The following PIGG variants were observed in gnomAD, a reference collection of about 807,000 sequenced individuals.
PIGG encodes GPI ethanolamine phosphate transferase 2, catalytic subunit.
A neutral mutation model predicts 83.2 loss-of-function variants in PIGG; 70 were observed. The ratio of observed to expected loss-of-function variants is 0.84; its 90% CI spans 0.69 to 1.03. The LOEUF is 1.03. Among genes scored for constraint, PIGG ranks in the 50% least tolerant of loss-of-function variants. The pLI, the probability that PIGG is intolerant of heterozygous loss-of-function variation, is 0.00. For synonymous variants in PIGG, 532 were observed against 519.5 expected, an observed-to-expected ratio of 1.02 and a Z score of -0.33; for missense variants, 1,257 against 1,233.6, an observed-to-expected ratio of 1.02 and a Z score of -0.28.
At chr4:507,886 T>C (rs1213821456) in intron 4 of PIGG, among the ~76,000 whole-genome samples, 4 of 152,220 alleles carry the variant, frequency 2.6e-5, no homozygotes, top group Middle Eastern at 3.2e-3. Context: ...TCACTCTCTC[T>C]GTTCTGTGCC....
intron 6 of PIGG, among the ~76,000 whole-genome samples, chr4:518,995 G>C (rs901786781): frequency 1.3e-5 from 2 of 152,102 alleles, no homozygotes; most frequent in African/African-American, 4.8e-5. Context: ...GTTCCCATCA[G>C]CTTGATGCTC....
chr4:507,564 A>G lies in PIGG; in HGVS notation c.730A>G (p.Met244Val). 1 of 1,613,894 alleles carries G rather than the reference A, an allele frequency of 6.2e-7. No individual in the cohort carries two copies. The highest frequency in any genetic ancestry group is 1.7e-4 in the Middle Eastern group (1 of 5,894). Residue 244 changes from methionine to valine, a missense_variant, in exon 4 of 13, where the codon ATG becomes GTG. Physicochemically the swap from Met to Val is conservative, Grantham distance 21 (BLOSUM62 1). Transcript: ENST00000453061. ...GCTGAGCGAGATGGACAGCGTGCTG[A>G]TGAAGATCCACACCTCACTGCAGTC... ...QKLSEMDSVL[M>V]KIHTSLQSKE...
chr4:523,770 C>T lies in PIGG; in HGVS notation c.1926C>T (p.Thr642=). The change falls in exon 9 of 13, where the codon ACC becomes ACT. Residue 642 remains threonine, a synonymous_variant. Coordinates refer to ENST00000453061, the MANE Select transcript of PIGG (RefSeq NM_001127178.3). ...ACAAAGGCCACGGAAGCCCCTCTAC[C>T]TCCGAAGTGCTCAGAGGCCGCGAGA... ...ERDKGHGSPS[T]SEVLRGREKW... The T allele has an allele frequency of 1.2e-6, 2 of 1,613,992 alleles. No individual in the cohort carries two copies. Among genetic ancestry groups the T allele is most frequent in the East Asian group, 2.2e-5 (1 of 44,882 alleles).
chr4:507,443 A>G lies in PIGG; in HGVS notation c.609A>G (p.Leu203=). The G allele has an allele frequency of 6.2e-7, 1 of 1,613,946 alleles. No individual in the cohort carries two copies. Among genetic ancestry groups the G allele is most frequent in the Non-Finnish European group, 8.5e-7 (1 of 1,179,824 alleles). The change falls in exon 4 of 13, where the codon TTA becomes TTG. Residue 203 remains leucine, a synonymous_variant. Transcript: ENST00000453061. ...NNVTRHLDKV[L]KRGDWDILIL... ...TCACGAGGCATTTGGATAAAGTATTAAAAAGAGGAGATTGGGACATATTAA... is the reference window on the plus strand; with the variant it reads ...TCACGAGGCATTTGGATAAAGTATTGAAAAGAGGAGATTGGGACATATTAA...
At chr4:533,286 C>G (rs757092936) in intron 11 of PIGG, 1 of 157,258 alleles carries the variant, frequency 6.4e-6, no homozygotes, top group African/African-American at 2.4e-5. Flanking sequence ...GCTGTGCTCC[C>G]CCAGTGGCTG....
At chr4:507,920 T>C (rs1720380669) in intron 4 of PIGG, among the ~76,000 whole-genome samples, 1 of 152,110 alleles carries the variant, frequency 6.6e-6, no homozygotes, top group African/African-American at 2.4e-5. Flanking sequence ...TCACTTTCTG[T>C]TCTGTGTCAC....
chr4:522,036 G>A, intron 8 of PIGG, 95 bp downstream of exon 8: 2 of 1,353,484 alleles, frequency 1.5e-6, no homozygotes, highest in Non-Finnish European at 2.1e-6. Flanking sequence ...GACTCTGGTT[G>A]AACACCTGGT....
At position 539,289 on chromosome 4, in the gene PIGG, G is replaced by A. The variant is rs775379047; in HGVS notation, c.2872G>A (p.Glu958Lys). The change falls in exon 13 of 13, where the codon GAG becomes AAG. Residue 958 changes from glutamate to lysine, a missense_variant. Coordinates refer to ENST00000453061, the MANE Select transcript of PIGG (RefSeq NM_001127178.3). ...TGTATTTTCTCCAAAACTTCTCTACGAGGGAATGCACCTGCTCATTACAGC... is the reference window on the plus strand; with the variant it reads ...TGTATTTTCTCCAAAACTTCTCTACAAGGGAATGCACCTGCTCATTACAGC... Reference protein sequence around the residue: ...WSVFSPKLLYEGMHLLITAAV... With the variant: ...WSVFSPKLLYKGMHLLITAAV... The A allele has an allele frequency of 8.7e-6, 14 of 1,613,456 alleles. No individual in the cohort carries two copies. The highest frequency in any genetic ancestry group is 2.2e-5 in the South Asian group (2 of 91,046).
At chr4:520,889 G>A (rs1327182189) in intron 6 of PIGG, among the ~76,000 whole-genome samples, 167 bp from the exon 7 acceptor site, 3 of 152,374 alleles carry the variant, frequency 2.0e-5, no homozygotes, top group African/African-American at 7.2e-5. Flanking sequence ...TACAGAAGGC[G>A]TTGCAGACCC....
Position 515,890 on chromosome 4 carries a change from A to G in PIGG, c.902-83A>G, listed in dbSNP as rs751545536. The G allele has an allele frequency of 4.7e-5, 49 of 1,038,296 alleles. No individual in the cohort carries two copies. Among genetic ancestry groups the G allele is most frequent in the Admixed American group, 1.2e-4 (7 of 57,908 alleles). 64.3% of individuals were successfully genotyped at this position (1,038,296 alleles called of 1,614,324 possible). On this transcript the variant is annotated intron_variant, in intron 5 of 12. Transcript: ENST00000453061. The surrounding 1 kb of genome is among the most constrained non-coding windows in gnomAD (Gnocchi z 4.2). ...AGAGACGGATCATTTGGCTCATGTT[A>G]GTTGTAGAAGGTCTAATTCAAGAAT...
chr4:499,272 C>T lies in PIGG; in HGVS notation c.-64C>T, dbSNP rs541612462. 19 of 1,556,170 alleles carry T rather than the reference C, an allele frequency of 1.2e-5. No individual in the cohort carries two copies. The highest frequency in any genetic ancestry group is 1.1e-4 in the African/African-American group (8 of 73,638). ...AGAGGCGGCTACCTGGAGCCGGAAGCGCGGCTGCAGCAGGGCGAGGCTCCA... is the reference window on the plus strand; with the variant it reads ...AGAGGCGGCTACCTGGAGCCGGAAGTGCGGCTGCAGCAGGGCGAGGCTCCA... On this transcript the variant is annotated 5_prime_UTR_variant, in exon 1 of 13. Transcript: ENST00000453061.
Position 528,524 on chromosome 4 carries a change from G to A in PIGG, c.2261+1294G>A. 1.0e-6 allele frequency: 1 copy of A among 985,414 alleles called. No homozygotes were observed. Among genetic ancestry groups the A allele is most frequent in the Non-Finnish European group, 1.2e-6 (1 of 829,926 alleles). The allele number at this position is 985,414 out of a possible 1,614,324, so 61.0% of individuals were successfully genotyped here. A position where few individuals can be genotyped will look rare whatever the true frequency, so the allele number is the denominator to read the frequency against. On this transcript the variant is annotated intron_variant, in intron 10 of 12. Coordinates refer to ENST00000453061, the MANE Select transcript of PIGG (RefSeq NM_001127178.3). The surrounding 1 kb of genome is among the most constrained non-coding windows in gnomAD (Gnocchi z 4.8). ...ACCTGAGGCCTGGCTGAGGCAGTGA[G>A]AGTGTAGCAGGCCGTCATACGGGGC...
chr4:499,515 G>A lies in PIGG; in HGVS notation c.154+26G>A, dbSNP rs781930268. ...GTACGGACCCCTCCCCGGCGTCTCCGCTCCCCTGACCCCACATCCCCTAGA... is the reference window on the plus strand; with the variant it reads ...GTACGGACCCCTCCCCGGCGTCTCCACTCCCCTGACCCCACATCCCCTAGA... On this transcript the variant is annotated intron_variant, in intron 1 of 12. Coordinates refer to ENST00000453061, the MANE Select transcript of PIGG (RefSeq NM_001127178.3). The A allele has an allele frequency of 2.5e-6, 4 of 1,573,904 alleles. No individual in the cohort carries two copies. The South Asian group carries it at 4.5e-5, about 18-fold the overall frequency.
chr4:518,697 T>C (rs770164234), intron 6 of PIGG, among the ~76,000 whole-genome samples: 9 of 152,118 alleles, frequency 5.9e-5, no homozygotes, highest in Non-Finnish European at 1.3e-4. Flanking sequence ...CCACAGTGGA[T>C]ATGAGAGGAA....
intron 9 of PIGG, chr4:525,284 AAACCAGGACAG>A (rs770790027): frequency 3.7e-5 from 36 of 985,280 alleles, no homozygotes; most frequent in Non-Finnish European, 4.2e-5. Flanking sequence ...TAAGTAGAAG[AAACCAGGACAG>A]AAAAATAACT....
rs1489560202 is a variant in PIGG, at chr4:521,051, A to G, written c.1115-5A>G. The G allele has an allele frequency of 6.2e-7, 1 of 1,606,108 alleles. No individual in the cohort carries two copies. Among genetic ancestry groups the G allele is most frequent in the Non-Finnish European group, 8.5e-7 (1 of 1,172,668 alleles). On this transcript the variant is annotated splice_polypyrimidine_tract_variant and splice_region_variant and intron_variant, in intron 6 of 12. Transcript: ENST00000453061. ...GCGCCTGTAACCTTTCTGTCTTCTT[A>G]ATAGATCCTGGGTTTGAGCAGTTTA...
At chr4:499,860 A>G in intron 1 of PIGG, 1 of 385,470 alleles carries the variant, frequency 2.6e-6, no homozygotes, top group Non-Finnish European at 4.0e-6. Context: ...AACAGATAAG[A>G]CCCCTGCCGA....
chr4:523,765 T>G lies in PIGG; in HGVS notation c.1921T>G (p.Ser641Ala). 1.2e-6 allele frequency: 2 copies of G among 1,614,006 alleles called. No individual in the cohort carries two copies. The highest frequency in any genetic ancestry group is 2.2e-5 in the South Asian group (2 of 91,084). The change falls in exon 9 of 13, where the codon TCT (serine) becomes GCT (alanine). Residue 641 changes from serine to alanine, a missense_variant. Ser to Ala is a moderately conservative substitution (Grantham distance 99, BLOSUM62 1). Coordinates refer to ENST00000453061, the MANE Select transcript of PIGG (RefSeq NM_001127178.3). ...LERDKGHGSP[S>A]TSEVLRGREK... ...GCGAGACAAAGGCCACGGAAGCCCC[T>G]CTACCTCCGAAGTGCTCAGAGGCCG...
Position 523,625 on chromosome 4 carries a change from A to G in PIGG, c.1781A>G (p.Tyr594Cys). The part of the protein sequence containing the change: ...TLCLALSQET[Y>C]RNYFLGDDGE... ...TGTCTAGCTCTGAGCCAAGAAACCT[A>G]CAGAAACTACTTTCTGGGAGATGAC... Residue 594 changes from tyrosine to cysteine, a missense_variant, in exon 9 of 13, where the codon TAC (tyrosine) becomes TGC (cysteine). Transcript: ENST00000453061. 6.2e-7 allele frequency: 1 copy of G among 1,614,130 alleles called. No individual in the cohort carries two copies. The highest frequency in any genetic ancestry group is 8.5e-7 in the Non-Finnish European group (1 of 1,180,022).
Sources: gnomAD v4.1 joint callset for allele counts (sites outside exome capture counted in the v4.1 genomes callset) on GRCh38, gnomAD v4.1.1 for gene constraint, Gnocchi (gnomAD v3.1) non-coding constraint, MANE v1.5 for transcripts, NCBI Gene and HGNC (gene_info 2026-07-23, HGNC 2026-07-21) for gene names.